CRTC3: variants seen among roughly 807,000 people sequenced by gnomAD.
CRTC3 encodes CREB regulated transcription coactivator 3.
CRTC3 carries 26 observed loss-of-function variants against 74.5 expected under a neutral mutation model. The ratio of observed to expected loss-of-function variants is 0.35; its 90% CI spans 0.26 to 0.48. CRTC3 has a LOEUF of 0.48. Ranked by LOEUF, CRTC3 falls within the 20% of genes least tolerant of loss-of-function variation. The probability of loss-of-function intolerance (pLI) is 0.99; values close to 1 mark genes in which losing one functional copy is unlikely to be tolerated. For missense variants in CRTC3, 760 were observed against 787.3 expected (o/e 0.97, Z 0.41); for synonymous variants, 377 against 325.8 (o/e 1.16, Z -1.69).
In CRTC3 at chr15:90,625,784, C is replaced by T; in HGVS notation, c.758C>T (p.Pro253Leu). 6.2e-7 allele frequency: 1 copy of T among 1,613,832 alleles called. No individual in the cohort carries two copies. Among genetic ancestry groups the T allele is most frequent in the Non-Finnish European group, 8.5e-7 (1 of 1,179,738 alleles). ...SCDVGGGNAFPHNGQNLGLSP... is the reference protein window; with the variant it reads ...SCDVGGGNAFLHNGQNLGLSP... Reference sequence around the variant, plus strand: ...AATCTTTCTTTTTTCAGTGCTTTTCCACATAATGGTCAAAACCTAGGCCTC... The same window carrying T: ...AATCTTTCTTTTTTCAGTGCTTTTCTACATAATGGTCAAAACCTAGGCCTC... The change falls in exon 10 of 15, where the codon CCA becomes CTA. Residue 253 changes from proline (P) to leucine (L), a missense_variant. Physicochemically the swap from Pro to Leu is moderately conservative, Grantham distance 98. Transcript: ENST00000268184.
chr15:90,607,971 G>A (rs900506921), intron 6 of CRTC3, among the ~76,000 whole-genome samples: 5 of 152,152 alleles, frequency 3.3e-5, no homozygotes, highest in Admixed American at 3.3e-4. Flanking sequence ...ACCCCAGCAT[G>A]AGGCTGACTC....
rs1443456005 is a variant in CRTC3, at chr15:90,603,754, TACTG to T, written c.414-625_414-622del. Among the ~76,000 whole-genome samples, 13 of 152,316 alleles carry T rather than the reference TACTG, an allele frequency of 8.5e-5. No individual in the cohort carries two copies. The East Asian group carries it at 2.3e-3, about 27-fold the overall frequency. On this transcript the variant is annotated intron_variant, in intron 4 of 14. Coordinates refer to ENST00000268184, the MANE Select transcript of CRTC3 (RefSeq NM_022769.5). ...ACTCTCCATCCATTCTCTGGGCAAATACTGACTGAGAACTTACTGTGTATAATGT... is the reference window on the plus strand; with the variant it reads ...ACTCTCCATCCATTCTCTGGGCAAATACTGAGAACTTACTGTGTATAATGT...
chr15:90,597,538 G>T (rs929089148), intron 3 of CRTC3, among the ~76,000 whole-genome samples: 1 of 152,102 alleles, frequency 6.6e-6, no homozygotes, highest in Non-Finnish European at 1.5e-5. Flanking sequence ...TGGTTTATAG[G>T]ACACTGTTTC....
At chr15:90,605,113 G>A (rs1028300767) in intron 5 of CRTC3, among the ~76,000 whole-genome samples, 9 of 151,760 alleles carry the variant, frequency 5.9e-5, no homozygotes, top group African/African-American at 1.2e-4. Context: ...AAAAAAAGGC[G>A]TGGTGGCACG....
chr15:90,572,299 T>G (rs1008490206), intron 2 of CRTC3, among the ~76,000 whole-genome samples: 1 of 152,110 alleles, frequency 6.6e-6, no homozygotes, highest in Admixed American at 6.5e-5. Flanking sequence ...ATAACCAGTC[T>G]CTTATTGAGA....
At chr15:90,555,203 G>T (rs1966878148) in intron 2 of CRTC3, among the ~76,000 whole-genome samples, 1 of 152,120 alleles carries the variant, frequency 6.6e-6, no homozygotes. Flanking sequence ...TGATTGCCCA[G>T]ACCAAAGCAT....
At chr15:90,560,412 G>A (rs1167256017) in intron 2 of CRTC3, among the ~76,000 whole-genome samples, 2 of 152,168 alleles carry the variant, frequency 1.3e-5, no homozygotes, top group African/African-American at 4.8e-5. Flanking sequence ...AAAGAGTTCT[G>A]GAATTTGTGG....
chr15:90,568,836 C>T (rs1017959063), intron 2 of CRTC3, among the ~76,000 whole-genome samples: 5 of 152,178 alleles, frequency 3.3e-5, no homozygotes, highest in African/African-American at 1.2e-4. Flanking sequence ...GCAAGACCCT[C>T]TACTAGGAAA....
In CRTC3 at chr15:90,625,842, G is replaced by A. The variant is rs779817916; in HGVS notation, c.816G>A (p.Gly272=). The part of the protein sequence containing the change: ...SPFLGTLNTG[G]SLPDLTNLHY... ...TCTTGGGGACCTTGAACACTGGAGG[G>A]TCATTGCCAGATCTAACCAACCTCC... Residue 272 remains glycine, a synonymous_variant, in exon 10 of 15, where the codon GGG becomes GGA. Transcript: ENST00000268184. The A allele has an allele frequency of 6.2e-7, 1 of 1,614,168 alleles. No individual in the cohort carries two copies. Among genetic ancestry groups the A allele is most frequent in the Non-Finnish European group, 8.5e-7 (1 of 1,180,020 alleles).
In CRTC3 at chr15:90,595,999, G is replaced by A. The variant is rs12440296; in HGVS notation, c.351+2244G>A. The A allele has an allele frequency of 7.8e-3, 1,188 of 152,446 alleles. 45 individuals are homozygous for A. In the East Asian group the frequency reaches 0.12, roughly 15 times the overall value. 9.4% of individuals were successfully genotyped at this position (152,446 alleles called of 1,614,324 possible). A position where few individuals can be genotyped will look rare whatever the true frequency, so the allele number is the denominator to read the frequency against. On this transcript the variant is annotated intron_variant, in intron 3 of 14. Coordinates refer to ENST00000268184, the MANE Select transcript of CRTC3 (RefSeq NM_022769.5). The stretch of plus-strand genomic sequence containing the variant: ...CAGGGGCTGTGGGAGCACGTCGGAG[G>A]TGCAGCTTGAACTAGTCTGGGGAAA...
chr15:90,575,004 C>G (rs566075947), intron 2 of CRTC3, among the ~76,000 whole-genome samples: 1 of 151,144 alleles, frequency 6.6e-6, no homozygotes, highest in African/African-American at 2.4e-5. Flanking sequence ...ATTTGACTTT[C>G]TTTATACTGA....
chr15:90,619,621 G>C (rs1968586918), intron 8 of CRTC3, 120 bp from the exon 9 acceptor site: 5 of 779,718 alleles, frequency 6.4e-6, no homozygotes, highest in Non-Finnish European at 1.1e-5. Context: ...TGAGGACTCT[G>C]TCGACACGCA....
chr15:90,636,566 TTAAAC>T (rs1969245683), intron 11 of CRTC3, among the ~76,000 whole-genome samples: 1 of 151,904 alleles, frequency 6.6e-6, no homozygotes, highest in African/African-American at 2.4e-5. Context: ...TGGGATCTAA[TTAAAC>T]TAAAGAGCTT....
chr15:90,533,347 G>C (rs1465327889), intron 1 of CRTC3, among the ~76,000 whole-genome samples: 1 of 149,564 alleles, frequency 6.7e-6, no homozygotes, highest in Admixed American at 6.7e-5. Flanking sequence ...CGTGAACCCG[G>C]AAGGCGGAGC....
At chr15:90,608,617 CT>C (rs1968287450) in intron 6 of CRTC3, among the ~76,000 whole-genome samples, 1 of 152,220 alleles carries the variant, frequency 6.6e-6, no homozygotes, top group Non-Finnish European at 1.5e-5. Context: ...TGCTTGGCTG[CT>C]TTTTTATGTG....
At chr15:90,615,076 A>AATT (rs1968456473) in intron 7 of CRTC3, among the ~76,000 whole-genome samples, 3 of 151,558 alleles carry the variant, frequency 2.0e-5, no homozygotes, top group African/African-American at 7.3e-5. Flanking sequence ...ATAAATAAAT[A>AATT]AATAAATAAA....
Position 90,643,091 on chromosome 15 carries a change from C to T in CRTC3, c.*951C>T, listed in dbSNP as rs1969508027. The T allele has an allele frequency of 1.3e-5, 3 of 232,318 alleles. No individual in the cohort carries two copies. Among genetic ancestry groups the T allele is most frequent in the Admixed American group, 5.6e-5 (1 of 17,756 alleles). 14.4% of individuals were successfully genotyped at this position (232,318 alleles called of 1,614,324 possible). On this transcript the variant is annotated 3_prime_UTR_variant, in exon 15 of 15. Coordinates refer to ENST00000268184, the MANE Select transcript of CRTC3 (RefSeq NM_022769.5). Reference sequence around the variant, plus strand: ...GGGCTGGGAGTCTAATGTCACCCCCCTAGACCGTAAGCTCCTTGAGGGCAG... The same window carrying T: ...GGGCTGGGAGTCTAATGTCACCCCCTTAGACCGTAAGCTCCTTGAGGGCAG...
intron 11 of CRTC3, among the ~76,000 whole-genome samples, chr15:90,636,650 T>G (rs1341684160): frequency 6.6e-6 from 1 of 152,044 alleles, no homozygotes; most frequent in Non-Finnish European, 1.5e-5. Flanking sequence ...ATTTTTGCAA[T>G]CTACTCATCT....
intron 5 of CRTC3, among the ~76,000 whole-genome samples, chr15:90,606,566 A>G (rs1422320693): frequency 6.6e-6 from 1 of 152,156 alleles, no homozygotes; most frequent in East Asian, 1.9e-4. Flanking sequence ...TGTCTCAGAA[A>G]AAAATAATAA....
Sources: gnomAD v4.1 joint callset for allele counts (sites outside exome capture counted in the v4.1 genomes callset) on GRCh38, gnomAD v4.1.1 for gene constraint, MANE v1.5 for transcripts, NCBI Gene and HGNC (gene_info 2026-07-23, HGNC 2026-07-21) for gene names.